Variants in PCCA observed in about 807,000 individuals in gnomAD.
The protein encoded by PCCA is propionyl-CoA carboxylase alpha chain, mitochondrial.
Under a neutral mutation model 101.3 loss-of-function variants are expected in PCCA, and 74 were observed. The ratio of observed to expected loss-of-function variants is 0.73; its 90% CI spans 0.61 to 0.89. The LOEUF (loss-of-function observed/expected upper bound fraction) is 0.89. PCCA is among the 40% of genes least tolerant of loss of function. The pLI is 0.00. For missense variants in PCCA, 891 were observed against 907.0 expected (o/e 0.98, Z 0.23); for synonymous variants, 294 against 313.6 (o/e 0.94, Z 0.66).
intron 19 of PCCA, among the ~76,000 whole-genome samples, chr13:100,414,677 A>G (rs1423090684): frequency 1.3e-5 from 2 of 152,214 alleles, no homozygotes; most frequent in Non-Finnish European, 2.9e-5. Flanking sequence ...TTTATGTAGA[A>G]TTTAGTGAAC....
At chr13:100,404,504 C>T (rs2077554957) in intron 19 of PCCA, among the ~76,000 whole-genome samples, 1 of 151,936 alleles carries the variant, frequency 6.6e-6, no homozygotes, top group South Asian at 2.1e-4. Flanking sequence ...CTGGGGGTCC[C>T]GGATGCATTC....
chr13:100,150,322 G>A (rs1240439120), intron 4 of PCCA, among the ~76,000 whole-genome samples: 1 of 152,076 alleles, frequency 6.6e-6, no homozygotes, highest in South Asian at 2.1e-4. Flanking sequence ...GTGAGCTACT[G>A]CACCTGGCTG....
intron 10 of PCCA, 111 bp from the exon 11 acceptor site, chr13:100,268,578 C>T (rs2063096583): frequency 1.3e-6 from 1 of 793,938 alleles, no homozygotes; most frequent in South Asian, 1.4e-5. Flanking sequence ...TATGTATATA[C>T]TATGAAGTTT....
At chr13:100,202,137 A>ATAGGCAACATAGC in intron 6 of PCCA, among the ~76,000 whole-genome samples, 1 of 148,472 alleles carries the variant, frequency 6.7e-6, no homozygotes, top group African/African-American at 2.5e-5. Context: ...TGAGACCATC[A>ATAGGCAACATAGC]TAGGCAACAT....
chr13:100,149,434 C>T (rs12877028), intron 4 of PCCA: 25,517 of 152,172 alleles, frequency 0.17, 2,258 homozygotes, highest in Middle Eastern at 0.22. Flanking sequence ...CAAACTGAAA[C>T]TCTGTACCCA....
intron 6 of PCCA, among the ~76,000 whole-genome samples, chr13:100,159,070 T>TA (rs901078330): frequency 6.9e-6 from 1 of 145,572 alleles, no homozygotes; most frequent in African/African-American, 2.5e-5. Context: ...TTTCAGTTAT[T>TA]AAAAAAATGC....
chr13:100,408,925 T>C (rs1242822806), intron 19 of PCCA, among the ~76,000 whole-genome samples: 1 of 152,202 alleles, frequency 6.6e-6, no homozygotes, highest in African/African-American at 2.4e-5. Flanking sequence ...AACCTTTTAT[T>C]CTCATGCAAG....
rs865946834 is a variant in PCCA, at chr13:100,185,804, C to T, written c.469-23528C>T. On this transcript the variant is annotated intron_variant, in intron 6 of 23. Transcript: ENST00000376285. ...CTGGGATTACAGGCATGTGCCACCCCGCCTGACTAATTTTGTATTTTTAGT... is the reference window on the plus strand; with the variant it reads ...CTGGGATTACAGGCATGTGCCACCCTGCCTGACTAATTTTGTATTTTTAGT... Among the ~76,000 whole-genome samples, 5 of 151,978 alleles carry T rather than the reference C, an allele frequency of 3.3e-5. No homozygotes were observed. In the South Asian group the frequency reaches 6.2e-4, roughly 19 times the overall value.
intron 6 of PCCA, among the ~76,000 whole-genome samples, chr13:100,188,754 G>A (rs910225513): frequency 6.6e-6 from 1 of 152,062 alleles, no homozygotes; most frequent in Non-Finnish European, 1.5e-5. Flanking sequence ...GGCCATTCTT[G>A]CAGGAGTAAG....
At chr13:100,422,120 TTTC>T (rs1413882727) in intron 19 of PCCA, among the ~76,000 whole-genome samples, 6 of 82,278 alleles carry the variant, frequency 7.3e-5, no homozygotes, top group African/African-American at 2.5e-4. Context: ...CTTTCTTTCT[TTTC>T]TTTCTTTCTT....
chr13:100,422,465 T>G (rs1022294243), intron 19 of PCCA, among the ~76,000 whole-genome samples: 1 of 152,210 alleles, frequency 6.6e-6, no homozygotes, highest in Non-Finnish European at 1.5e-5. Context: ...CTTAAAGTTC[T>G]ATAAACATAA....
chr13:100,358,433 G>A lies in PCCA; in HGVS notation c.1644-10039G>A, dbSNP rs974288660. Among the ~76,000 whole-genome samples the A allele has an allele frequency of 3.3e-5, 5 of 152,300 alleles. No individual in the cohort carries two copies. In the South Asian group the frequency reaches 8.3e-4, roughly 25 times the overall value. On this transcript the variant is annotated intron_variant, in intron 18 of 23. Transcript: ENST00000376285. ...TTGTTTCATGGGCAAGAGCTTTAAA[G>A]TAGCTATTAAAATCATTTTCAAGTA...
intron 6 of PCCA, among the ~76,000 whole-genome samples, chr13:100,177,542 G>A (rs752397842): frequency 1.3e-5 from 2 of 152,072 alleles, no homozygotes; most frequent in Admixed American, 1.3e-4. Context: ...AAATCTAAAC[G>A]TGAGCTTTAA....
rs1305431730 is a variant in PCCA at position 100,309,818 on chromosome 13, TTTGC to T, written c.1354-11_1354-8del. On this transcript the variant is annotated splice_polypyrimidine_tract_variant and intron_variant, in intron 15 of 23. Coordinates refer to ENST00000376285, the MANE Select transcript of PCCA (RefSeq NM_000282.4). ...ATATATATATATATTGGGTTTTTTGTTTGCTTGTTTTTAGCTAATCACATATGGC... is the reference window on the plus strand; with the variant it reads ...ATATATATATATATTGGGTTTTTTGTTTGTTTTTAGCTAATCACATATGGC... The T allele has an allele frequency of 6.3e-7, 1 of 1,589,864 alleles. No individual in the cohort carries two copies. Among genetic ancestry groups the T allele is most frequent in the Non-Finnish European group, 8.6e-7 (1 of 1,158,428 alleles).
intron 6 of PCCA, among the ~76,000 whole-genome samples, chr13:100,171,565 G>A (rs1165294256): frequency 6.6e-6 from 1 of 152,114 alleles, no homozygotes; most frequent in Non-Finnish European, 1.5e-5. Flanking sequence ...CTGAATTCCT[G>A]TTGCTTACCA....
chr13:100,300,469 CT>C (rs1343787952), intron 12 of PCCA, among the ~76,000 whole-genome samples: 2 of 152,066 alleles, frequency 1.3e-5, no homozygotes, highest in Non-Finnish European at 2.9e-5. Context: ...GTTCACTGAC[CT>C]TTTCCTGTGT....
chr13:100,219,521 G>A lies in PCCA; in HGVS notation c.600+10058G>A, dbSNP rs913805377. Among the ~76,000 whole-genome samples the A allele has an allele frequency of 5.3e-5, 8 of 152,154 alleles. No individual in the cohort carries two copies. The East Asian group carries it at 9.6e-4, about 18-fold the overall frequency. On this transcript the variant is annotated intron_variant, in intron 7 of 23. Transcript: ENST00000376285. ...CTTGGCTAAAGGTCCAAAGGTGACC[G>A]TTGTGTGCTGGGACATGGGAAATGT...
chr13:100,112,688 C>T (rs1379214604), intron 4 of PCCA, among the ~76,000 whole-genome samples: 1 of 151,366 alleles, frequency 6.6e-6, no homozygotes, highest in East Asian at 2.0e-4. Context: ...GCGATTCTCC[C>T]GCCTCAGCCT....
intron 21 of PCCA, among the ~76,000 whole-genome samples, chr13:100,492,607 C>T (rs1168524919): frequency 6.6e-6 from 1 of 151,534 alleles, no homozygotes; most frequent in East Asian, 2.0e-4. Context: ...AAAGGCCCCA[C>T]CCTCAAGCCT....
Sources: gnomAD v4.1 joint callset for allele counts (sites outside exome capture counted in the v4.1 genomes callset) on GRCh38, gnomAD v4.1.1 for gene constraint, MANE v1.5 for transcripts, NCBI Gene and HGNC (gene_info 2026-07-23, HGNC 2026-07-21) for gene names.